Variants in PRDM9 observed in about 807,000 individuals in gnomAD.
PRDM9 encodes PR/SET domain 9.
PRDM9 carries 47 observed loss-of-function variants against 55.6 expected under a neutral mutation model. The observed-to-expected ratio is 0.85, with a 90% confidence interval of 0.67 to 1.08. The LOEUF (loss-of-function observed/expected upper bound fraction) is 1.08, where lower values mean the gene tolerates loss of function less well. Ranked by LOEUF, PRDM9 falls within the 50% of genes least tolerant of loss-of-function variation. The pLI is 0.00. For missense variants in PRDM9, 867 were observed against 1,040.3 expected (o/e 0.83, Z 2.29); for synonymous variants, 312 against 375.7 (o/e 0.83, Z 1.96).
chr5:23,512,040 T>G (rs983083375), intron 4 of PRDM9, among the ~76,000 whole-genome samples: 2 of 152,068 alleles, frequency 1.3e-5, no homozygotes, highest in Non-Finnish European at 2.9e-5. Context: ...GAAAGCAAAC[T>G]TAATTAAACT....
intron 3 of PRDM9, 147 bp from the exon 4 acceptor site, chr5:23,509,773 T>C: frequency 3.0e-6 from 4 of 1,337,378 alleles, no homozygotes; most frequent in East Asian, 2.4e-5. Context: ...ATATTGACCA[T>C]GCAGAGGTCA....
At chr5:23,510,164 C>G (rs1326724142) in intron 4 of PRDM9, 137 bp downstream of exon 4, 2 of 842,526 alleles carry the variant, frequency 2.4e-6, no homozygotes, top group South Asian at 3.3e-5. Context: ...AAGCGATTCT[C>G]CTGCCTCAGC....
Position 23,509,072 on chromosome 5 carries a change from A to C in PRDM9, c.39A>C (p.Glu13Asp). ...AGTCCCAAGAGGAGAGCCCAGAAGA[A>C]GACACAGAGAGAACAGAGCGGAAGC... ...PEKSQEESPE[E>D]DTERTERKPM... The change falls in exon 2 of 11, where the codon GAA becomes GAC. Residue 13 changes from glutamate to aspartate, a missense_variant. This residue lies in a region of PRDM9 where 662 missense variants were observed against 711.9 expected (regional missense o/e 0.93). Coordinates refer to ENST00000296682, the MANE Select transcript of PRDM9 (RefSeq NM_020227.4). 1 of 1,614,144 alleles carries C rather than the reference A, an allele frequency of 6.2e-7. No homozygotes were observed. The highest frequency in any genetic ancestry group is 1.1e-5 in the South Asian group (1 of 91,080).
chr5:23,518,281 C>A (rs1295080242), intron 5 of PRDM9, among the ~76,000 whole-genome samples: 2 of 152,164 alleles, frequency 1.3e-5, no homozygotes, highest in Non-Finnish European at 2.9e-5. Flanking sequence ...TCAGTTATAT[C>A]CCTGGGATCA....
At position 23,510,023 on chromosome 5, in the gene PRDM9, G is replaced by A. The variant is rs1417497497; in HGVS notation, c.297G>A (p.Gln99=). ...EDSDEEWTPR[Q]QVKPPWMALR... Reference sequence around the variant, plus strand: ...CTGATGAAGAATGGACCCCTAGGCAGCAAGGTAAGAGGGAAGGGAAGTAGG... The same window carrying A: ...CTGATGAAGAATGGACCCCTAGGCAACAAGGTAAGAGGGAAGGGAAGTAGG... The change falls in exon 4 of 11, where the codon CAG becomes CAA. Residue 99 remains glutamine, a synonymous_variant. Coordinates refer to ENST00000296682, the MANE Select transcript of PRDM9 (RefSeq NM_020227.4). The A allele has an allele frequency of 1.3e-6, 2 of 1,590,196 alleles. No individual in the cohort carries two copies. Among genetic ancestry groups the A allele is most frequent in the East Asian group, 4.5e-5 (2 of 44,636 alleles).
intron 4 of PRDM9, among the ~76,000 whole-genome samples, chr5:23,516,119 A>C (rs1739204539): frequency 6.6e-6 from 1 of 152,232 alleles, no homozygotes; most frequent in Admixed American, 6.5e-5. Flanking sequence ...TGTTAACAAT[A>C]TTAAGTCTTC....
At chr5:23,507,343 A>C (rs1192133981), upstream of PRDM9, 1 of 152,318 alleles carries the variant, frequency 6.6e-6, no homozygotes, top group African/African-American at 2.4e-5. Context: ...AAAACCCTCG[A>C]AACTGCGCCT....
chr5:23,521,284 A>C, intron 6 of PRDM9, 105 bp downstream of exon 6: 1 of 1,336,394 alleles, frequency 7.5e-7, no homozygotes, highest in Non-Finnish European at 1.1e-6. Context: ...GCCTGGGCTT[A>C]AGCTGGACTC....
chr5:23,522,623 T>C lies in PRDM9; in HGVS notation c.620T>C (p.Met207Thr). Residue 207 changes from methionine to threonine, a missense_variant, in exon 8 of 11, where the codon ATG (methionine) becomes ACG (threonine). By Grantham distance (81) the Met-to-Thr change is moderately conservative. Coordinates refer to ENST00000296682, the MANE Select transcript of PRDM9 (RefSeq NM_020227.4). ...PQDDDYLYCE[M>T]CQNFFIDSCA... ...CTTCCCTCACTTCCAGATTGTGAGA[T>C]GTGTCAGAACTTCTTCATTGACAGC... 6.2e-7 allele frequency: 1 copy of C among 1,614,264 alleles called. No homozygotes were observed. Among genetic ancestry groups the C allele is most frequent in the Non-Finnish European group, 8.5e-7 (1 of 1,180,048 alleles).
intron 3 of PRDM9, 95 bp downstream of exon 3, chr5:23,509,688 C>A: frequency 6.3e-7 from 1 of 1,594,000 alleles, no homozygotes; most frequent in Admixed American, 1.7e-5. Flanking sequence ...GGCATCTGCC[C>A]ACAATTCCCT....
In PRDM9 at chr5:23,522,322, C is replaced by T; in HGVS notation, c.527C>T (p.Thr176Ile). 1 of 1,613,910 alleles carries T rather than the reference C, an allele frequency of 6.2e-7. No homozygotes were observed. Among genetic ancestry groups the T allele is most frequent in the Non-Finnish European group, 8.5e-7 (1 of 1,179,872 alleles). The change falls in exon 7 of 11, where the codon ACT becomes ATT. Residue 176 changes from threonine to isoleucine, a missense_variant. Transcript: ENST00000296682. Reference sequence around the variant, plus strand: ...AACCTAGAACTCAGGAAGAAGGAGACTGAAAGAAAGATGTATAGCCTGCGA... The same window carrying T: ...AACCTAGAACTCAGGAAGAAGGAGATTGAAAGAAAGATGTATAGCCTGCGA... The part of the protein sequence containing the change: ...RLKLELRKKE[T>I]ERKMYSLRER...
intron 4 of PRDM9, among the ~76,000 whole-genome samples, chr5:23,514,231 C>A (rs1331295298): frequency 6.6e-6 from 1 of 152,188 alleles, no homozygotes; most frequent in Non-Finnish European, 1.5e-5. Context: ...GAAAATACCA[C>A]ACACTGGGTG....
In PRDM9 at chr5:23,527,607, G is replaced by A. The variant is rs754062358; in HGVS notation, c.2519G>A (p.Gly840Asp). 1 of 1,510,316 alleles carries A rather than the reference G, an allele frequency of 6.6e-7. No individual in the cohort carries two copies. Among genetic ancestry groups the A allele is most frequent in the Non-Finnish European group, 8.9e-7 (1 of 1,125,968 alleles). The allele number at this position is 1,510,316 out of a possible 1,614,324, so 93.6% of individuals were successfully genotyped here. A position where few individuals can be genotyped will look rare whatever the true frequency, so the allele number is the denominator to read the frequency against. ...KPYVCRECGR[G>D]FRNKSHLLRH... The stretch of plus-strand genomic sequence containing the variant: ...TATGTCTGCAGGGAGTGTGGGCGGG[G>A]CTTTCGCAATAAGTCACACCTCCTC... Residue 840 changes from glycine (G) to aspartate (D), a missense_variant, in exon 11 of 11, where the codon GGC becomes GAC. Around this residue, in one of 5 missense-constraint regions of PRDM9, gnomAD observed 86 missense variants for 73.6 expected, o/e 1.17. Coordinates refer to ENST00000296682, the MANE Select transcript of PRDM9 (RefSeq NM_020227.4).
chr5:23,527,771 T>A lies in PRDM9; in HGVS notation c.2683T>A (p.Ter895LysextTer10). 1 of 1,613,598 alleles carries A rather than the reference T, an allele frequency of 6.2e-7. No individual in the cohort carries two copies. The highest frequency in any genetic ancestry group is 8.5e-7 in the Non-Finnish European group (1 of 1,179,886). ...EKPYVCREDE[*>K] ...GCCCTACGTCTGCAGGGAGGATGAG[T>A]AAGTCATTAGTAATAAAACCTCATC... is the stretch of plus-strand genomic sequence containing the variant. The change falls in exon 11 of 11, where the codon TAA becomes AAA. Residue 895 changes from the stop codon to lysine (K), a stop_lost. Transcript: ENST00000296682.
chr5:23,508,838 C>A, intron 1 of PRDM9, 112 bp from the exon 2 acceptor site: 1 of 643,266 alleles, frequency 1.6e-6, no homozygotes, highest in Non-Finnish European at 2.7e-6. Context: ...GAGACCTCAC[C>A]AGGAATCCAC....
chr5:23,508,778 G>A lies in PRDM9; in HGVS notation c.-84-172G>A, dbSNP rs1225005576. ...TACATTAGGTGGTAGCTCATGGCCA[G>A]TGGAGGCCTTCCCATCCCATCAGTA... On this transcript the variant is annotated intron_variant, in intron 1 of 10. Coordinates refer to ENST00000296682, the MANE Select transcript of PRDM9 (RefSeq NM_020227.4). 3.3e-5 allele frequency among the ~76,000 whole-genome samples: 5 copies of A among 152,158 alleles called. No homozygotes were observed. In the South Asian group the frequency reaches 1.0e-3, roughly 32 times the overall value.
intron 5 of PRDM9, among the ~76,000 whole-genome samples, chr5:23,518,873 C>A (rs921763838): frequency 1.7e-4 from 26 of 152,316 alleles, no homozygotes; most frequent in African/African-American, 6.0e-4. Flanking sequence ...CTTCTCAGAA[C>A]TCCCAAGCCC....
Position 23,510,483 on chromosome 5 carries a change from G to A in PRDM9, c.301+456G>A, listed in dbSNP as rs1048530740. ...AACAATTCTCCCACCTCAGCTTCTC[G>A]AGTAGCTGGGACTACAGATGTGCAC... On this transcript the variant is annotated intron_variant, in intron 4 of 10. Transcript: ENST00000296682. Among the ~76,000 whole-genome samples, 5 of 150,444 alleles carry A rather than the reference G, an allele frequency of 3.3e-5. No individual in the cohort carries two copies. In the East Asian group the frequency reaches 6.0e-4, roughly 18 times the overall value.
Position 23,527,448 on chromosome 5 carries a change from A to G in PRDM9, c.2360A>G (p.Asp787Gly), listed in dbSNP as rs1157436538. 6.3e-7 allele frequency: 1 copy of G among 1,594,230 alleles called. No individual in the cohort carries two copies. Among genetic ancestry groups the G allele is most frequent in the Non-Finnish European group, 8.5e-7 (1 of 1,174,262 alleles). ...VCRECGRGFR[D>G]KSNLLSHQRT... Reference sequence around the variant, plus strand: ...AGGGAGTGTGGGCGGGGCTTTAGAGATAAGTCAAACCTCCTCAGTCACCAG... The same window carrying G: ...AGGGAGTGTGGGCGGGGCTTTAGAGGTAAGTCAAACCTCCTCAGTCACCAG... The change falls in exon 11 of 11, where the codon GAT becomes GGT. Residue 787 changes from aspartate to glycine, a missense_variant. Physicochemically the swap from Asp to Gly is moderately conservative, Grantham distance 94 (BLOSUM62 -1). Transcript: ENST00000296682.
Sources: gnomAD v4.1 joint callset for allele counts (sites outside exome capture counted in the v4.1 genomes callset) on GRCh38, gnomAD v4.1.1 for gene constraint, gnomAD v4.1.1 regional missense constraint, MANE v1.5 for transcripts, NCBI Gene and HGNC (gene_info 2026-07-23, HGNC 2026-07-21) for gene names.